COL5A1: variants seen among roughly 807,000 people sequenced by gnomAD.
The protein encoded by COL5A1 is collagen type V alpha 1 chain, also known as collagen alpha-1(V) chain.
Under a neutral mutation model 263.7 loss-of-function variants are expected in COL5A1, and 16 were observed. That is an observed-to-expected ratio of 0.06 (90% CI 0.04 to 0.09). The LOEUF is 0.09. Among genes scored for constraint, COL5A1 ranks in the 10% least tolerant of loss-of-function variants. The pLI, the probability that COL5A1 is intolerant of heterozygous loss-of-function variation, is 1.00. For synonymous variants in COL5A1, 1,012 were observed against 1,004.5 expected, an observed-to-expected ratio of 1.01 and a Z score of -0.14; for missense variants, 2,036 against 2,540.5, an observed-to-expected ratio of 0.80 and a Z score of 4.27.
At chr9:134,831,100 C>T (rs145759056) in intron 64 of COL5A1, among the ~76,000 whole-genome samples, 16 of 152,320 alleles carry the variant, frequency 1.1e-4, no homozygotes, top group African/African-American at 2.6e-4. Context: ...GTGGGTTCTG[C>T]GGCTTGTAGC....
intron 19 of COL5A1, among the ~76,000 whole-genome samples, chr9:134,763,148 C>A (rs924017159): frequency 7.2e-5 from 11 of 152,134 alleles, no homozygotes; most frequent in Non-Finnish European, 1.5e-4. Context: ...TACATGCTTG[C>A]ATGTGTGAGG....
chr9:134,767,131 G>T, intron 23 of COL5A1, 78 bp downstream of exon 23: 1 of 1,534,588 alleles, frequency 6.5e-7, no homozygotes, highest in Non-Finnish European at 9.0e-7. Context: ...GCCCTGGGAG[G>T]AAGCGGGGAG....
At chr9:134,830,113 A>G (rs1472848062) in intron 64 of COL5A1, 69 bp downstream of exon 64, 1 of 1,612,840 alleles carries the variant, frequency 6.2e-7, no homozygotes, top group Non-Finnish European at 8.5e-7. Context: ...TACAGAGTAA[A>G]ATGGCCCGCT....
chr9:134,708,711 C>T (rs909467639), intron 4 of COL5A1: 2 of 513,542 alleles, frequency 3.9e-6, no homozygotes, highest in Non-Finnish European at 7.8e-6. Context: ...CTGGAAGGGA[C>T]AAGGACATTG....
Position 134,772,769 on chromosome 9 carries a change from A to G in COL5A1, c.2287-21A>G, listed in dbSNP as rs768498657. The G allele has an allele frequency of 9.3e-6, 15 of 1,613,600 alleles. 1 individual carries two copies. The highest frequency in any genetic ancestry group is 3.3e-5 in the South Asian group (3 of 91,070). ...TTTCTGGAGTGGCACTGACTAATCA[A>G]TGCTTCTTCTTTTGTGACAGGGACA... On this transcript the variant is annotated intron_variant, in intron 25 of 65. Coordinates refer to ENST00000371817, the MANE Select transcript of COL5A1 (RefSeq NM_000093.5).
rs1001786208 is a variant in COL5A1, at chr9:134,802,940, C to T, written c.3059C>T (p.Pro1020Leu). Reference sequence around the variant, plus strand: ...GGTGAGCGTGGCCACCCTGGGCCCCCTGGACCCCCCGGTGAACAGGGGCTT... The same window carrying T: ...GGTGAGCGTGGCCACCCTGGGCCCCTTGGACCCCCCGGTGAACAGGGGCTT... ...PMGERGHPGP[P>L]GPPGEQGLPG... Residue 1020 changes from proline to leucine, a missense_variant, in exon 39 of 66, where the codon CCT becomes CTT. By Grantham distance (98) the Pro-to-Leu change is moderately conservative. Transcript: ENST00000371817. The T allele has an allele frequency of 2.2e-5, 36 of 1,611,402 alleles. No individual in the cohort carries two copies. Among genetic ancestry groups the T allele is most frequent in the Non-Finnish European group, 2.9e-5 (34 of 1,179,458 alleles).
intron 1 of COL5A1, among the ~76,000 whole-genome samples, chr9:134,689,635 CCT>C (rs1450919513): frequency 6.6e-6 from 1 of 152,166 alleles, no homozygotes; most frequent in Non-Finnish European, 1.5e-5. Context: ...AGGGAGGATT[CCT>C]CTTTCTCAAA....
intron 29 of COL5A1, among the ~76,000 whole-genome samples, chr9:134,783,217 C>G (rs1450583191): frequency 6.6e-6 from 1 of 152,210 alleles, no homozygotes; most frequent in East Asian, 1.9e-4. Flanking sequence ...TCCTGGTCCC[C>G]AGACAGTTCT....
At position 134,707,724 on chromosome 9, in the gene COL5A1, T is replaced by C. The variant is rs1833886521; in HGVS notation, c.654+6391T>C. On this transcript the variant is annotated intron_variant, in intron 4 of 65. Transcript: ENST00000371817. ...GCCTCTGGATCCTTCCAGAACTACC[T>C]TGTTGCTCACTGGCTTGCTGACGGC... Among the ~76,000 whole-genome samples, 4 of 152,216 alleles carry C rather than the reference T, an allele frequency of 2.6e-5. No homozygotes were observed. In the South Asian group the frequency reaches 8.3e-4, roughly 31 times the overall value.
intron 9 of COL5A1, among the ~76,000 whole-genome samples, chr9:134,733,604 C>G (rs1338996460): frequency 6.6e-6 from 1 of 152,206 alleles, no homozygotes; most frequent in Non-Finnish European, 1.5e-5. Context: ...AGGCCAGGAT[C>G]CCCCTGCTCA....
chr9:134,829,610 C>T (rs1295657646), intron 63 of COL5A1, among the ~76,000 whole-genome samples: 1 of 143,856 alleles, frequency 7.0e-6, no homozygotes, highest in Non-Finnish European at 1.5e-5. Flanking sequence ...CGGGGCCAGG[C>T]TCATCCTCAC....
In COL5A1 at chr9:134,818,897, C is replaced by CCATGGTGAGTCACATTCCT. The variant is rs1315869684; in HGVS notation, c.4392+6_4392+24dup. 6.2e-7 allele frequency: 1 copy of CCATGGTGAGTCACATTCCT among 1,612,948 alleles called. No homozygotes were observed. The highest frequency in any genetic ancestry group is 1.7e-5 in the Admixed American group (1 of 59,996). On this transcript the variant is annotated frameshift_variant, in exon 56 of 66. Coordinates refer to ENST00000371817, the MANE Select transcript of COL5A1 (RefSeq NM_000093.5). LOFTEE classifies it high-confidence loss of function. The surrounding 1 kb of genome is among the most constrained non-coding windows in gnomAD (Gnocchi z 6.0). ...CCAGGCCCGGACGGTCCCCCCGGCCCCATGGTGAGTCACATTCCTCATGGT... is the reference window on the plus strand; with the variant it reads ...CCAGGCCCGGACGGTCCCCCCGGCCCCATGGTGAGTCACATTCCTCATGGTGAGTCACATTCCTCATGGT...
At chr9:134,749,208 C>G (rs548007941) in intron 11 of COL5A1, among the ~76,000 whole-genome samples, 1 of 152,142 alleles carries the variant, frequency 6.6e-6, no homozygotes, top group Non-Finnish European at 1.5e-5. Context: ...GCACTCCAGC[C>G]TGGGCAACAG....
intron 20 of COL5A1, 133 bp downstream of exon 20, chr9:134,763,870 A>C (rs1588521938): frequency 1.1e-6 from 1 of 876,200 alleles, no homozygotes; most frequent in South Asian, 1.7e-5. Context: ...GAACAGACGG[A>C]CCTGGGCATC....
chr9:134,727,223 T>C, intron 4 of COL5A1, 43 bp from the exon 5 acceptor site: 1 of 1,610,594 alleles, frequency 6.2e-7, no homozygotes. Context: ...CCCATGCGAG[T>C]GCTCTGTGAG....
chr9:134,816,022 AGGT>A, intron 52 of COL5A1, 34 bp downstream of exon 52: 1 of 1,609,450 alleles, frequency 6.2e-7, no homozygotes, highest in South Asian at 1.1e-5. Flanking sequence ...TTCCTGGTGG[AGGT>A]GTCAGTGTAT....
chr9:134,655,483 C>T (rs1831936641), intron 1 of COL5A1, among the ~76,000 whole-genome samples: 2 of 152,086 alleles, frequency 1.3e-5, no homozygotes, highest in African/African-American at 2.4e-5. Flanking sequence ...CCTTCCTGTG[C>T]CTCAGTTTCC....
intron 11 of COL5A1, among the ~76,000 whole-genome samples, chr9:134,746,288 C>T (rs1835510308): frequency 1.3e-5 from 2 of 152,226 alleles, no homozygotes; most frequent in Admixed American, 1.3e-4. Context: ...GCACACTGCC[C>T]TCCTGCTCCA....
intron 65 of COL5A1, among the ~76,000 whole-genome samples, chr9:134,836,665 T>C (rs1192377995): frequency 1.3e-5 from 2 of 152,196 alleles, no homozygotes; most frequent in African/African-American, 4.8e-5. Flanking sequence ...AGAGTGGACC[T>C]GGGTTCCAAT....
Sources: allele counts gnomAD v4.1 joint callset (sites outside exome capture counted in the v4.1 genomes callset), GRCh38; gene constraint gnomAD v4.1.1; non-coding constraint Gnocchi (gnomAD v3.1); transcripts MANE v1.5; gene names NCBI Gene and HGNC (gene_info 2026-07-23, HGNC 2026-07-21).